Variants in NRXN3 observed in about 807,000 individuals in gnomAD.
The protein encoded by NRXN3 is neurexin III.
A neutral mutation model predicts 137.6 loss-of-function variants in NRXN3; 32 were observed. The ratio of observed to expected loss-of-function variants is 0.23; its 90% CI spans 0.18 to 0.31. The LOEUF is 0.31. NRXN3 is among the 10% of genes least tolerant of loss of function. The pLI, the probability that NRXN3 is intolerant of heterozygous loss-of-function variation, is 1.00. For missense variants in NRXN3, 1,574 were observed against 2,062.5 expected (o/e 0.76, Z 4.59); for synonymous variants, 798 against 784.5 (o/e 1.02, Z -0.29).
chr14:78,448,535 C>T (rs1165907312), intron 4 of NRXN3, among the ~76,000 whole-genome samples: 1 of 152,158 alleles, frequency 6.6e-6, no homozygotes, highest in Non-Finnish European at 1.5e-5. Context: ...TAGGCTAGTC[C>T]TGGTCTTGGA....
rs1438741619 is a variant in NRXN3 at position 78,735,642 on chromosome 14, T to C, written c.2044+20503T>C. ...GACCTAAAAGATGACTTCAAAGGGATCAAGCAGGAGAGGTAGAATCTTCTC... is the reference window on the plus strand; with the variant it reads ...GACCTAAAAGATGACTTCAAAGGGACCAAGCAGGAGAGGTAGAATCTTCTC... On this transcript the variant is annotated intron_variant, in intron 8 of 20. Transcript: ENST00000335750. Among the ~76,000 whole-genome samples, 5 of 152,054 alleles carry C rather than the reference T, an allele frequency of 3.3e-5. No individual in the cohort carries two copies. In the East Asian group the frequency reaches 9.6e-4, roughly 29 times the overall value.
chr14:79,684,261 C>T (rs1028501335), intron 17 of NRXN3, among the ~76,000 whole-genome samples: 5 of 151,044 alleles, frequency 3.3e-5, no homozygotes, highest in South Asian at 2.1e-4. Context: ...ATGAATGCAA[C>T]GTGGAACAAT....
Position 79,489,618 on chromosome 14 carries a change from CT to C in NRXN3, c.3444+22219del, listed in dbSNP as rs1216479614. On this transcript the variant is annotated intron_variant, in intron 16 of 20. Coordinates refer to ENST00000335750, the MANE Select transcript of NRXN3 (RefSeq NM_001330195.2). ...ATGTAAAGCCCTTCTTGGATTTCCT[CT>C]TTATTATATTTTACATAATTGATCA... is the stretch of plus-strand genomic sequence containing the variant. Among the ~76,000 whole-genome samples the C allele has an allele frequency of 2.0e-5, 3 of 152,102 alleles. No homozygotes were observed. The East Asian group carries it at 5.8e-4, about 29-fold the overall frequency.
In NRXN3 at chr14:78,837,739, A is replaced by G. The variant is rs530352816; in HGVS notation, c.2275+27395A>G. ...AAATTTGTTCTTAATTCGATTTTGT[A>G]TTGAAGCACATCAGTTATTTGGGCT... On this transcript the variant is annotated intron_variant, in intron 10 of 20. Transcript: ENST00000335750. Among the ~76,000 whole-genome samples the G allele has an allele frequency of 4.5e-4, 69 of 152,240 alleles. 1 individual carries two copies. Among genetic ancestry groups the G allele is most frequent in the African/African-American group, 1.6e-3 (68 of 41,556 alleles).
At chr14:79,457,673 C>T (rs534155757) in intron 15 of NRXN3, among the ~76,000 whole-genome samples, 9 of 152,234 alleles carry the variant, frequency 5.9e-5, no homozygotes, top group Non-Finnish European at 8.8e-5. Context: ...CAAAGTCATC[C>T]GTTTACAGCC....
At chr14:78,285,312 T>C (rs2075022122) in intron 3 of NRXN3, among the ~76,000 whole-genome samples, 3 of 152,232 alleles carry the variant, frequency 2.0e-5, no homozygotes, top group Non-Finnish European at 4.4e-5. Context: ...TCTTCCTTAT[T>C]ACTTTATGAG....
At chr14:78,813,524 TC>T (rs1456328212) in intron 10 of NRXN3, among the ~76,000 whole-genome samples, 2 of 152,112 alleles carry the variant, frequency 1.3e-5, no homozygotes, top group Non-Finnish European at 2.9e-5. Flanking sequence ...CTTTTTTTTT[TC>T]CCCCTTGAAG....
At chr14:78,947,349 G>A (rs566099545) in intron 10 of NRXN3, among the ~76,000 whole-genome samples, 2 of 152,250 alleles carry the variant, frequency 1.3e-5, no homozygotes, top group South Asian at 2.1e-4. Flanking sequence ...AAACACCATG[G>A]AGGTTGATCT....
intron 1 of NRXN3, among the ~76,000 whole-genome samples, chr14:78,222,446 G>A (rs953900200): frequency 2.0e-5 from 3 of 152,182 alleles, no homozygotes; most frequent in Admixed American, 6.5e-5. Context: ...CCGCCACATC[G>A]CCTTGAATGA....
chr14:78,230,883 A>C (rs2065301759), intron 1 of NRXN3, among the ~76,000 whole-genome samples: 1 of 152,140 alleles, frequency 6.6e-6, no homozygotes, highest in South Asian at 2.1e-4. Context: ...GGGAGTGATG[A>C]CTTCCATTTT....
At chr14:78,582,554 A>C (rs2097012737) in intron 4 of NRXN3, among the ~76,000 whole-genome samples, 1 of 152,212 alleles carries the variant, frequency 6.6e-6, no homozygotes, top group South Asian at 2.1e-4. Context: ...CATTATTTCA[A>C]GAGTGGGTTG....
chr14:79,598,069 G>A (rs1471865952), intron 16 of NRXN3, among the ~76,000 whole-genome samples: 1 of 152,110 alleles, frequency 6.6e-6, no homozygotes, highest in Admixed American at 6.6e-5. Flanking sequence ...AGAAAGTAAA[G>A]CATGGAAGAT....
At chr14:79,523,079 C>T (rs2097083787) in intron 16 of NRXN3, among the ~76,000 whole-genome samples, 1 of 152,108 alleles carries the variant, frequency 6.6e-6, no homozygotes. Context: ...TGTGGAATTT[C>T]CACTGAAGGC....
At chr14:78,630,458 T>C (rs1288664449) in intron 4 of NRXN3, among the ~76,000 whole-genome samples, 1 of 152,216 alleles carries the variant, frequency 6.6e-6, no homozygotes, top group Non-Finnish European at 1.5e-5. Flanking sequence ...GTGATGTGTT[T>C]ATCACTATGT....
At chr14:78,687,752 C>A (rs143498196) in intron 6 of NRXN3, among the ~76,000 whole-genome samples, 230 of 152,216 alleles carry the variant, frequency 1.5e-3, no homozygotes, top group African/African-American at 5.4e-3. Flanking sequence ...AGGGTTTCAC[C>A]CTGGGAGTGA....
At chr14:79,669,476 G>T (rs2098594042) in intron 17 of NRXN3, among the ~76,000 whole-genome samples, 1 of 152,086 alleles carries the variant, frequency 6.6e-6, no homozygotes, top group African/African-American at 2.4e-5. Context: ...TGTCAGAAAT[G>T]AATTAGGATT....
At chr14:78,989,359 G>T (rs143850673) in intron 15 of NRXN3, among the ~76,000 whole-genome samples, 6 of 151,966 alleles carry the variant, frequency 3.9e-5, no homozygotes, top group South Asian at 2.1e-4. Context: ...TCTTTTTCCC[G>T]TTTTTTCTCA....
intron 2 of NRXN3, among the ~76,000 whole-genome samples, chr14:78,266,338 C>T (rs959170925): frequency 1.3e-5 from 2 of 151,784 alleles, no homozygotes; most frequent in Non-Finnish European, 2.9e-5. Context: ...CTCACTCTGT[C>T]GCCAGGCTGG....
chr14:78,591,137 A>G (rs543265648), intron 4 of NRXN3, among the ~76,000 whole-genome samples: 23 of 152,276 alleles, frequency 1.5e-4, no homozygotes, highest in African/African-American at 5.5e-4. Context: ...TCCCCACAAA[A>G]GCATCCCAGA....
Sources: gnomAD v4.1 joint callset for allele counts (sites outside exome capture counted in the v4.1 genomes callset) on GRCh38, gnomAD v4.1.1 for gene constraint, MANE v1.5 for transcripts, NCBI Gene and HGNC (gene_info 2026-07-23, HGNC 2026-07-21) for gene names.